PTPRO: variants seen among roughly 807,000 people sequenced by gnomAD.
PTPRO encodes the protein receptor-type tyrosine-protein phosphatase O.
A neutral mutation model predicts 145.2 loss-of-function variants in PTPRO; 62 were observed. The observed-to-expected ratio is 0.43, with a 90% CI of 0.35 to 0.53. The LOEUF is 0.53. Among genes scored for constraint, PTPRO ranks in the 20% least tolerant of loss-of-function variants. The pLI, the probability that PTPRO is intolerant of heterozygous loss-of-function variation, is 0.01. For missense variants in PTPRO, 1,345 were observed against 1,482.7 expected (o/e 0.91, Z 1.53); for synonymous variants, 565 against 514.7 (o/e 1.10, Z -1.32).
At chr12:15,528,868 C>T (rs181291013) in intron 12 of PTPRO, among the ~76,000 whole-genome samples, 3 of 151,978 alleles carry the variant, frequency 2.0e-5, no homozygotes, top group Admixed American at 6.5e-5. Flanking sequence ...TTTTACAGTG[C>T]TCAAAGAAAA....
intron 2 of PTPRO, 59 bp from the exon 3 acceptor site, chr12:15,497,185 GA>G: frequency 7.0e-7 from 1 of 1,434,382 alleles, no homozygotes; most frequent in South Asian, 1.2e-5. Context: ...TTCAAGTATT[GA>G]TATCGGCCTT....
At chr12:15,557,701 C>T (rs1358519786) in intron 16 of PTPRO, among the ~76,000 whole-genome samples, 178 bp downstream of exon 16, 2 of 152,066 alleles carry the variant, frequency 1.3e-5, no homozygotes, top group African/African-American at 4.8e-5. Flanking sequence ...AAGCTCAGTG[C>T]AGTTCTGAAG....
rs560718560 is a variant in PTPRO at position 15,453,829 on chromosome 12, T to C, written c.76-30145T>C. Among the ~76,000 whole-genome samples the C allele has an allele frequency of 1.1e-4, 16 of 152,338 alleles. No homozygotes were observed. The East Asian group carries it at 3.1e-3, about 29-fold the overall frequency. On this transcript the variant is annotated intron_variant, in intron 1 of 26. Coordinates refer to ENST00000281171, the MANE Select transcript of PTPRO (RefSeq NM_030667.3). The stretch of plus-strand genomic sequence containing the variant: ...ACCTCAGATAAGGGGAATCATGCAA[T>C]ATTTGTCCTTCTATGACTGGCTTAT...
chr12:15,433,328 A>G (rs557618024), intron 1 of PTPRO, among the ~76,000 whole-genome samples: 1 of 152,164 alleles, frequency 6.6e-6, no homozygotes, highest in Admixed American at 6.5e-5. Context: ...AGTGTGTGCC[A>G]CCATGCTCGG....
At chr12:15,405,937 A>G (rs941795514) in intron 1 of PTPRO, among the ~76,000 whole-genome samples, 1 of 152,230 alleles carries the variant, frequency 6.6e-6, no homozygotes, top group Non-Finnish European at 1.5e-5. Context: ...CAATTGTGGA[A>G]TCAAGTGCAC....
Position 15,431,531 on chromosome 12 carries a change from A to G in PTPRO, c.76-52443A>G, listed in dbSNP as rs866588163. Among the ~76,000 whole-genome samples the G allele has an allele frequency of 3.9e-5, 6 of 152,354 alleles. No homozygotes were observed. The Middle Eastern group carries it at 0.01, about 259-fold the overall frequency. On this transcript the variant is annotated intron_variant, in intron 1 of 26. Coordinates refer to ENST00000281171, the MANE Select transcript of PTPRO (RefSeq NM_030667.3). The stretch of plus-strand genomic sequence containing the variant: ...AGTAGGTGTGCAACCAAATTGCCAA[A>G]CTAAGACAGATCTTGTTATTTTAAA...
intron 1 of PTPRO, among the ~76,000 whole-genome samples, chr12:15,406,626 T>A (rs912891358): frequency 2.0e-5 from 3 of 152,218 alleles, no homozygotes; most frequent in African/African-American, 7.2e-5. Flanking sequence ...AATGCCATAA[T>A]ATGCGATTAA....
intron 14 of PTPRO, among the ~76,000 whole-genome samples, chr12:15,550,062 A>T (rs1376691919): frequency 2.0e-5 from 3 of 152,134 alleles, no homozygotes; most frequent in African/African-American, 7.2e-5. Flanking sequence ...ATAATGAGAG[A>T]CTTAGAAGTG....
chr12:15,391,178 C>A (rs193174777), intron 1 of PTPRO, among the ~76,000 whole-genome samples: 326 of 152,302 alleles, frequency 2.1e-3, no homozygotes, highest in Non-Finnish European at 3.9e-3. Flanking sequence ...CACAGCCCAT[C>A]CCTTGCACCA....
chr12:15,445,645 C>T (rs1437813228), intron 1 of PTPRO, among the ~76,000 whole-genome samples: 1 of 152,056 alleles, frequency 6.6e-6, no homozygotes, highest in African/African-American at 2.4e-5. Context: ...CAATCATGTG[C>T]TTACACTAAA....
intron 19 of PTPRO, among the ~76,000 whole-genome samples, chr12:15,572,464 A>G (rs950804009): frequency 6.6e-6 from 1 of 152,230 alleles, no homozygotes; most frequent in Non-Finnish European, 1.5e-5. Flanking sequence ...TGTTAACGTT[A>G]AGCTACATCA....
At chr12:15,517,111 C>T (rs1942616323) in intron 9 of PTPRO, 155 bp downstream of exon 9, 2 of 781,770 alleles carry the variant, frequency 2.6e-6, no homozygotes, top group Admixed American at 4.2e-5. Flanking sequence ...AAAGAAATAG[C>T]CAAGACTGAG....
chr12:15,331,326 G>A (rs1274168171), intron 1 of PTPRO, among the ~76,000 whole-genome samples: 1 of 152,078 alleles, frequency 6.6e-6, no homozygotes, highest in Non-Finnish European at 1.5e-5. Flanking sequence ...AGACTGGGAG[G>A]TATAAATGCT....
chr12:15,523,069 G>T (rs139192990), intron 10 of PTPRO, among the ~76,000 whole-genome samples: 3 of 152,256 alleles, frequency 2.0e-5, no homozygotes, highest in East Asian at 3.9e-4. Context: ...TAGATGCATT[G>T]ATGATCTTTC....
intron 1 of PTPRO, chr12:15,439,778 C>T: frequency 1.7e-6 from 1 of 600,316 alleles, no homozygotes; most frequent in South Asian, 1.5e-5. Context: ...CCTCTTCTCC[C>T]TGCCCATCAA....
At chr12:15,411,639 G>A in intron 1 of PTPRO, among the ~76,000 whole-genome samples, 1 of 152,224 alleles carries the variant, frequency 6.6e-6, no homozygotes, top group African/African-American at 2.4e-5. Flanking sequence ...TTAGCACATT[G>A]AAGCTTCATC....
chr12:15,567,035 G>C (rs572547675), intron 18 of PTPRO, among the ~76,000 whole-genome samples: 3 of 152,128 alleles, frequency 2.0e-5, no homozygotes, highest in Admixed American at 1.3e-4. Context: ...GTCCTTGGAC[G>C]AAAAGGAGAG....
chr12:15,515,603 G>C lies in PTPRO; in HGVS notation c.1570G>C (p.Val524Leu), dbSNP rs997701758. The C allele has an allele frequency of 2.5e-6, 4 of 1,614,036 alleles. No homozygotes were observed. Among genetic ancestry groups the C allele is most frequent in the Admixed American group, 1.7e-5 (1 of 60,022 alleles). ...TTTGATTGGACCACCTTCAGATCCT[G>C]TGACATTTGCTATTGGTAAGTTGCT... ...GPLIGPPSDP[V>L]TFAIVPTGIK... Residue 524 changes from valine (V) to leucine (L), a missense_variant, in exon 8 of 27, where the codon GTG becomes CTG. Transcript: ENST00000281171.
At chr12:15,575,636 T>A (rs1480293438) in intron 19 of PTPRO, among the ~76,000 whole-genome samples, 2 of 152,392 alleles carry the variant, frequency 1.3e-5, no homozygotes, top group Non-Finnish European at 1.5e-5. Context: ...CGTAGCCTGC[T>A]ACTGGGTTTG....
Sources: gnomAD v4.1 joint callset for allele counts (sites outside exome capture counted in the v4.1 genomes callset) on GRCh38, gnomAD v4.1.1 for gene constraint, MANE v1.5 for transcripts, NCBI Gene and HGNC (gene_info 2026-07-23, HGNC 2026-07-21) for gene names.